CADPS: variants seen among roughly 807,000 people sequenced by gnomAD.
The protein encoded by CADPS is calcium-dependent secretion activator 1.
In CADPS, 57 loss-of-function variants were observed where a neutral mutation model predicts 167.3. That is an observed-to-expected ratio of 0.34 (90% CI 0.28 to 0.42). The LOEUF (loss-of-function observed/expected upper bound fraction) is 0.42. Ranked by LOEUF, CADPS falls within the 20% of genes least tolerant of loss-of-function variation. The pLI is 1.00. For synonymous variants in CADPS, 676 were observed against 635.3 expected (o/e 1.06, Z -0.96); for missense variants, 1,414 against 1,738.1 (o/e 0.81, Z 3.32).
intron 6 of CADPS, among the ~76,000 whole-genome samples, chr3:62,597,727 C>T (rs1000199281): frequency 6.6e-6 from 1 of 152,208 alleles, no homozygotes; most frequent in Non-Finnish European, 1.5e-5. Context: ...TGACAACCCC[C>T]ATCCTATTGG....
intron 3 of CADPS, among the ~76,000 whole-genome samples, chr3:62,670,968 G>A (rs60903963): frequency 0.14 from 21,980 of 152,120 alleles, 1,624 homozygotes; most frequent in Middle Eastern, 0.25. Flanking sequence ...CAGTCATAGC[G>A]CATGGTAGTC....
chr3:62,782,773 T>G (rs1320842065), intron 1 of CADPS, among the ~76,000 whole-genome samples: 1 of 151,474 alleles, frequency 6.6e-6, no homozygotes, highest in African/African-American at 2.4e-5. Context: ...TTTTTTTTTT[T>G]TTTTGAGACG....
At chr3:62,710,722 C>T (rs9861815) in intron 3 of CADPS, among the ~76,000 whole-genome samples, 26,938 of 152,060 alleles carry the variant, frequency 0.18, 3,176 homozygotes, top group African/African-American at 0.35. Context: ...CCCACCTCTG[C>T]CACCTCCCAC....
rs1322604446 is a variant in CADPS at position 62,446,702 on chromosome 3, CT to C, written c.3637-906del. 1.3e-5 allele frequency among the ~76,000 whole-genome samples: 2 copies of C among 152,268 alleles called. No individual in the cohort carries two copies. Among genetic ancestry groups the C allele is most frequent in the African/African-American group, 4.8e-5 (2 of 41,554 alleles). On this transcript the variant is annotated intron_variant, in intron 26 of 29. Transcript: ENST00000383710. The surrounding 1 kb of genome is among the most constrained non-coding windows in gnomAD (Gnocchi z 4.9). ...AGCAAATGTGGGTGAGTTCTGAGTA[CT>C]GTGAAAAGTCAATGAACAGCTGGGT...
chr3:62,438,181 C>T lies in CADPS; in HGVS notation c.3700G>A (p.Val1234Met). The T allele has an allele frequency of 6.2e-7, 1 of 1,613,686 alleles. No individual in the cohort carries two copies. Residue 1234 changes from valine (V) to methionine (M), a missense_variant, in exon 28 of 30, where the codon GTG becomes ATG. Val to Met is a conservative substitution (Grantham distance 21, BLOSUM62 1). Transcript: ENST00000383710. The surrounding 1 kb of genome is among the most constrained non-coding windows in gnomAD (Gnocchi z 4.7). ...TCCTGAGAATGGCGGACGAAAGTCA[C>T]GTAGGCGTCGGCCACGTCCATCCCG... ...KPGMDVADAY[V>M]TFVRHSQDVL...
intron 28 of CADPS, chr3:62,404,775 ATTTTTTTTTT>A (rs35095820): frequency 3.0e-5 from 3 of 99,726 alleles, no homozygotes; most frequent in African/African-American, 7.3e-5. Context: ...TAGGAAGTAG[ATTTTTTTTTT>A]TTTTTTTTTT....
intron 1 of CADPS, among the ~76,000 whole-genome samples, chr3:62,774,270 C>T (rs2089715302): frequency 6.6e-6 from 1 of 152,094 alleles, no homozygotes; most frequent in Non-Finnish European, 1.5e-5. Flanking sequence ...ATGTTCCACC[C>T]TTGAACCCGA....
intron 3 of CADPS, among the ~76,000 whole-genome samples, chr3:62,691,282 C>A (rs1459127211): frequency 6.6e-6 from 1 of 151,884 alleles, no homozygotes; most frequent in Non-Finnish European, 1.5e-5. Context: ...ACCTACAGAA[C>A]CCTAATGTAA....
chr3:62,435,036 A>G (rs1378859796), intron 28 of CADPS, among the ~76,000 whole-genome samples: 1 of 152,130 alleles, frequency 6.6e-6, no homozygotes, highest in Non-Finnish European at 1.5e-5. Flanking sequence ...ACAGCAAACA[A>G]TCTCGGAGAT....
At chr3:62,854,853 T>C (rs1333451312) in intron 1 of CADPS, among the ~76,000 whole-genome samples, 1 of 152,186 alleles carries the variant, frequency 6.6e-6, no homozygotes, top group Non-Finnish European at 1.5e-5. Flanking sequence ...GACTGTCCTT[T>C]ATATTTCATA....
At chr3:62,599,788 A>ATTGT (rs1562713486) in intron 6 of CADPS, among the ~76,000 whole-genome samples, 2 of 5,096 alleles carry the variant, frequency 3.9e-4, no homozygotes, top group Non-Finnish European at 9.6e-4. Context: ...TATTATATAT[A>ATTGT]ATATATATAA....
chr3:62,737,611 C>T (rs973847743), intron 3 of CADPS, among the ~76,000 whole-genome samples: 1 of 152,188 alleles, frequency 6.6e-6, no homozygotes, highest in East Asian at 1.9e-4. Context: ...TTCTTATAAT[C>T]CTTGGAGTAA....
intron 17 of CADPS, among the ~76,000 whole-genome samples, chr3:62,505,339 A>AT (rs1184392185): frequency 1.3e-5 from 2 of 152,134 alleles, no homozygotes; most frequent in African/African-American, 4.8e-5. Context: ...TGGATCATGG[A>AT]TTTTTCCCAT....
intron 28 of CADPS, among the ~76,000 whole-genome samples, chr3:62,426,610 C>CT (rs376000439): frequency 1.4e-4 from 22 of 152,270 alleles, no homozygotes; most frequent in African/African-American, 4.3e-4. Context: ...TTTTTATCCA[C>CT]TTTTTTTACA....
intron 3 of CADPS, among the ~76,000 whole-genome samples, chr3:62,741,988 A>C (rs1242959322): frequency 6.6e-6 from 1 of 152,186 alleles, no homozygotes; most frequent in African/African-American, 2.4e-5. Flanking sequence ...ACAACAGTGA[A>C]GGTGACAGCC....
chr3:62,533,064 T>A lies in CADPS; in HGVS notation c.2104-6A>T, dbSNP rs1561776738. The A allele has an allele frequency of 1.9e-6, 3 of 1,611,706 alleles. No homozygotes were observed. The highest frequency in any genetic ancestry group is 2.7e-5 in the African/African-American group (2 of 74,790). On this transcript the variant is annotated splice_polypyrimidine_tract_variant and splice_region_variant and intron_variant, in intron 12 of 29. Coordinates refer to ENST00000383710, the MANE Select transcript of CADPS (RefSeq NM_003716.4). ...TGGCCAGGACTGAACCAGCCCTATATAAAGAATAAAGGAGAGACTTTCTTT... is the reference window on the plus strand; with the variant it reads ...TGGCCAGGACTGAACCAGCCCTATAAAAAGAATAAAGGAGAGACTTTCTTT...
At chr3:62,828,082 G>A (rs552763656) in intron 1 of CADPS, among the ~76,000 whole-genome samples, 1 of 152,250 alleles carries the variant, frequency 6.6e-6, no homozygotes, top group Non-Finnish European at 1.5e-5. Flanking sequence ...TGTGGGGTCG[G>A]TAGCAATGGT....
intron 3 of CADPS, among the ~76,000 whole-genome samples, chr3:62,682,227 C>CT (rs904263620): frequency 2.6e-5 from 4 of 151,978 alleles, no homozygotes; most frequent in African/African-American, 9.7e-5. Context: ...AAGAACTCCA[C>CT]TTTTTTTGGA....
Position 62,750,278 on chromosome 3 carries a change from G to C in CADPS, c.888+3163C>G, listed in dbSNP as rs138318194. Among the ~76,000 whole-genome samples the C allele has an allele frequency of 6.9e-3, 1,028 of 149,240 alleles. 12 individuals are homozygous for C. The highest frequency in any genetic ancestry group is 0.024 in the African/African-American group (963 of 40,508). ...AGGCATGAGAATTGCTTGAACCTGGGAGGTGGAGGTTGCAGTGAGCTAAGC... is the reference window on the plus strand; with the variant it reads ...AGGCATGAGAATTGCTTGAACCTGGCAGGTGGAGGTTGCAGTGAGCTAAGC... On this transcript the variant is annotated intron_variant, in intron 3 of 29. Transcript: ENST00000383710.
Sources: allele counts gnomAD v4.1 joint callset (sites outside exome capture counted in the v4.1 genomes callset), GRCh38; gene constraint gnomAD v4.1.1; non-coding constraint Gnocchi (gnomAD v3.1); transcripts MANE v1.5; gene names NCBI Gene and HGNC (gene_info 2026-07-23, HGNC 2026-07-21).